ZDHHC13: variants seen among roughly 807,000 people sequenced by gnomAD.
ZDHHC13 encodes the protein palmitoyltransferase ZDHHC13.
Under a neutral mutation model 86.0 loss-of-function variants are expected in ZDHHC13, and 85 were observed. The observed-to-expected ratio is 0.99, with a 90% CI of 0.83 to 1.18. ZDHHC13 has a LOEUF of 1.18. Ranked by LOEUF, ZDHHC13 falls within the 50% of genes most tolerant of loss-of-function variation. The pLI is 0.00. For missense variants in ZDHHC13, 711 were observed against 730.2 expected (o/e 0.97, Z 0.30); for synonymous variants, 263 against 246.4 (o/e 1.07, Z -0.63).
intron 8 of ZDHHC13, among the ~76,000 whole-genome samples, chr11:19,155,406 C>G (rs1278230634): frequency 6.6e-6 from 1 of 151,880 alleles, no homozygotes; most frequent in South Asian, 2.1e-4. Context: ...CACAGTGAAA[C>G]CCCGTCTCTA....
chr11:19,169,263 G>A (rs1850153855), intron 14 of ZDHHC13: 2 of 985,286 alleles, frequency 2.0e-6, no homozygotes, highest in Non-Finnish European at 2.4e-6. Context: ...GATATCAGGT[G>A]CATGGGATGC....
intron 1 of ZDHHC13, among the ~76,000 whole-genome samples, chr11:19,129,021 A>T (rs1282394171): frequency 1.3e-5 from 2 of 152,228 alleles, no homozygotes; most frequent in African/African-American, 4.8e-5. Context: ...GTTTCTCAGA[A>T]TATATCCTCA....
intron 15 of ZDHHC13, 127 bp from the exon 16 acceptor site, chr11:19,172,596 C>T (rs1175884211): frequency 4.9e-6 from 3 of 610,480 alleles, no homozygotes; most frequent in South Asian, 6.7e-5. Context: ...TTTCTTTGTC[C>T]CTTTTCAAGG....
intron 1 of ZDHHC13, among the ~76,000 whole-genome samples, chr11:19,128,143 A>G (rs573400198): frequency 1.1e-3 from 163 of 152,050 alleles, no homozygotes; most frequent in African/African-American, 3.7e-3. Context: ...GTATTTTGTA[A>G]TTCTCATTGT....
At chr11:19,135,023 C>A (rs114830625) in intron 1 of ZDHHC13, among the ~76,000 whole-genome samples, 1 of 152,092 alleles carries the variant, frequency 6.6e-6, no homozygotes, top group Admixed American at 6.5e-5. Flanking sequence ...CAGAGGAAGA[C>A]CCCCTCCCAA....
intron 2 of ZDHHC13, among the ~76,000 whole-genome samples, chr11:19,143,736 A>G (rs1037743383): frequency 1.3e-5 from 2 of 152,218 alleles, no homozygotes; most frequent in Admixed American, 6.5e-5. Flanking sequence ...TAAGATCTCC[A>G]TATGTGGGTA....
intron 1 of ZDHHC13, among the ~76,000 whole-genome samples, chr11:19,137,404 C>A (rs1410302023): frequency 6.6e-6 from 1 of 152,042 alleles, no homozygotes; most frequent in Non-Finnish European, 1.5e-5. Context: ...CAGGAGCACC[C>A]AGATTCATAA....
intron 8 of ZDHHC13, among the ~76,000 whole-genome samples, chr11:19,153,859 CT>C (rs769341781): frequency 0.01 from 1,497 of 144,698 alleles, 13 homozygotes; most frequent in African/African-American, 0.028. Context: ...CTGTCTTCGC[CT>C]TTTTTTTTTT....
intron 1 of ZDHHC13, among the ~76,000 whole-genome samples, chr11:19,126,411 A>G (rs978420460): frequency 8.1e-5 from 11 of 136,644 alleles, no homozygotes; most frequent in African/African-American, 3.1e-4. Context: ...ATCTCGGCTC[A>G]CTGCAACCTC....
intron 1 of ZDHHC13, among the ~76,000 whole-genome samples, chr11:19,127,529 C>T (rs1473768371): frequency 2.6e-5 from 4 of 152,158 alleles, no homozygotes; most frequent in African/African-American, 9.7e-5. Context: ...TTGCCCATTC[C>T]TATATCCAGG....
chr11:19,140,061 A>G (rs1849267218), intron 1 of ZDHHC13, among the ~76,000 whole-genome samples: 2 of 150,282 alleles, frequency 1.3e-5, no homozygotes, highest in Non-Finnish European at 3.0e-5. Flanking sequence ...CAAAATTGAC[A>G]AATGGGATCT....
intron 10 of ZDHHC13, among the ~76,000 whole-genome samples, chr11:19,160,962 T>C (rs1042783850): frequency 6.6e-6 from 1 of 151,992 alleles, no homozygotes; most frequent in Non-Finnish European, 1.5e-5. Context: ...AGATGGATGA[T>C]TTTATTTGCT....
chr11:19,132,898 C>A (rs557243233), intron 1 of ZDHHC13, among the ~76,000 whole-genome samples: 1 of 152,292 alleles, frequency 6.6e-6, no homozygotes, highest in African/African-American at 2.4e-5. Flanking sequence ...AGGTTAAGTG[C>A]AATCCTACTT....
At chr11:19,144,635 A>G (rs1049884336) in intron 2 of ZDHHC13, among the ~76,000 whole-genome samples, 1 of 152,190 alleles carries the variant, frequency 6.6e-6, no homozygotes, top group Non-Finnish European at 1.5e-5. Flanking sequence ...AAAGACACAC[A>G]CACGCACACA....
At chr11:19,150,358 CTT>C (rs1055992618) in intron 5 of ZDHHC13, among the ~76,000 whole-genome samples, 6 of 152,074 alleles carry the variant, frequency 3.9e-5, no homozygotes, top group African/African-American at 1.2e-4. Flanking sequence ...TACTGAATGA[CTT>C]TGTATAAGAA....
intron 10 of ZDHHC13, 100 bp downstream of exon 10, chr11:19,159,140 C>A: frequency 1.3e-6 from 1 of 741,864 alleles, no homozygotes; most frequent in Non-Finnish European, 2.1e-6. Flanking sequence ...CCAGGGAATG[C>A]AACTTATATT....
At chr11:19,147,400 A>C (rs1250779938) in intron 3 of ZDHHC13, among the ~76,000 whole-genome samples, 196 bp from the exon 4 acceptor site, 2 of 152,180 alleles carry the variant, frequency 1.3e-5, no homozygotes, top group Non-Finnish European at 2.9e-5. Flanking sequence ...TTACATCCTA[A>C]GGATGTTTCA....
At chr11:19,165,224 C>T (rs769735279) in intron 13 of ZDHHC13, 79 bp downstream of exon 13, 2 of 1,313,728 alleles carry the variant, frequency 1.5e-6, no homozygotes, top group Middle Eastern at 1.8e-4. Flanking sequence ...AGTGGAAGGG[C>T]ATCCTAGGGC....
In ZDHHC13 at chr11:19,170,885, T is replaced by C. The variant is rs76340231; in HGVS notation, c.1632+317T>C. Among the ~76,000 whole-genome samples, 1,574 of 152,300 alleles carry C rather than the reference T, an allele frequency of 0.01. 60 individuals are homozygous for C. In the East Asian group the frequency reaches 0.11, roughly 11 times the overall value. On this transcript the variant is annotated intron_variant, in intron 15 of 16. Transcript: ENST00000446113. Reference sequence around the variant, plus strand: ...AGAAGTACAGAAAGGTAAATTGAATTGCTCAAGGTCACCCAGTGTGTGGCA... The same window carrying C: ...AGAAGTACAGAAAGGTAAATTGAATCGCTCAAGGTCACCCAGTGTGTGGCA...
Sources: allele counts gnomAD v4.1 joint callset (sites outside exome capture counted in the v4.1 genomes callset), GRCh38; gene constraint gnomAD v4.1.1; transcripts MANE v1.5; gene names NCBI Gene and HGNC (gene_info 2026-07-23, HGNC 2026-07-21).